DCDC2C: variants seen among roughly 807,000 people sequenced by gnomAD.
DCDC2C encodes the protein doublecortin domain-containing protein 2C.
DCDC2C carries 44 observed loss-of-function variants against 45.0 expected under a neutral mutation model. The ratio of observed to expected loss-of-function variants is 0.98; its 90% CI spans 0.77 to 1.26. The LOEUF is 1.26. Ranked by LOEUF, DCDC2C falls within the 50% of genes most tolerant of loss-of-function variation. The pLI is 0.00. For synonymous variants in DCDC2C, 187 were observed against 178.8 expected, an observed-to-expected ratio of 1.05 and a Z score of -0.37; for missense variants, 447 against 468.9, an observed-to-expected ratio of 0.95 and a Z score of 0.43.
At chr2:3,758,198 A>T (rs535262434) in intron 6 of DCDC2C, among the ~76,000 whole-genome samples, 42 of 152,330 alleles carry the variant, frequency 2.8e-4, no homozygotes, top group African/African-American at 9.6e-4. Context: ...GCTGTGTATC[A>T]TTGATTCTAT....
chr2:3,741,919 G>T lies in DCDC2C; in HGVS notation c.417-1G>T, dbSNP rs746155586. ...GGATGCTTTTCTTTTTATTCTTACA[G>T]TGTTTTTACAAATGGAAGATTATTT... On this transcript the variant is annotated splice_acceptor_variant, in intron 3 of 10. Transcript: ENST00000399143. LOFTEE classifies it high-confidence loss of function. 2 of 1,544,690 alleles carry T rather than the reference G, an allele frequency of 1.3e-6. No individual in the cohort carries two copies. Among genetic ancestry groups the T allele is most frequent in the South Asian group, 2.4e-5 (2 of 82,136 alleles).
intron 10 of DCDC2C, among the ~76,000 whole-genome samples, chr2:3,821,232 T>A (rs1383794039): frequency 1.3e-5 from 2 of 152,216 alleles, no homozygotes; most frequent in African/African-American, 4.8e-5. Context: ...AGGCAGGAAC[T>A]AGCCATTTTT....
intron 10 of DCDC2C, among the ~76,000 whole-genome samples, chr2:3,825,104 G>A (rs1237126557): frequency 6.6e-6 from 1 of 152,146 alleles, no homozygotes; most frequent in Non-Finnish European, 1.5e-5. Flanking sequence ...GCGGCAGTGG[G>A]CTCCTTTCCA....
At chr2:3,838,224 G>C (rs1221570401) in intron 10 of DCDC2C, among the ~76,000 whole-genome samples, 1 of 151,962 alleles carries the variant, frequency 6.6e-6, no homozygotes, top group East Asian at 1.9e-4. Context: ...AGGGCTGGTG[G>C]CATAGAGGTG....
At chr2:3,801,407 G>A (rs1671109247) in intron 10 of DCDC2C, among the ~76,000 whole-genome samples, 1 of 152,162 alleles carries the variant, frequency 6.6e-6, no homozygotes, top group Admixed American at 6.5e-5. Flanking sequence ...GGTGAGTGCT[G>A]GGCACAAAGG....
intron 6 of DCDC2C, among the ~76,000 whole-genome samples, chr2:3,763,409 C>T (rs1401088561): frequency 6.6e-6 from 1 of 152,224 alleles, no homozygotes; most frequent in Non-Finnish European, 1.5e-5. Flanking sequence ...CAGCCAGGCT[C>T]CTAGAATGGT....
In DCDC2C at chr2:3,708,549, T is replaced by C; in HGVS notation, c.288T>C (p.Asp96=). The C allele has an allele frequency of 6.5e-7, 1 of 1,544,320 alleles. No homozygotes were observed. The highest frequency in any genetic ancestry group is 8.7e-7 in the Non-Finnish European group (1 of 1,143,520). ...TGTTTTCTTCTTTCTTCTTTTGCAG[T>C]TATATTCATATAGTTCCCCGAAAAC... ...AAGRERFKEL[D]YIHIVPRKPA... is the part of the protein sequence containing the mutation. The change falls in exon 2 of 11, where the codon GAT becomes GAC. Residue 96 remains aspartate, a splice_region_variant and synonymous_variant. Transcript: ENST00000399143.
In DCDC2C at chr2:3,795,119, T is replaced by C. The variant is rs527569638; in HGVS notation, c.1065+10019T>C. ...TTTGCATTTCTCTGATGGCCAGTGA[T>C]GGTGAGCATTTTTTCATGTGTTTTT... On this transcript the variant is annotated intron_variant, in intron 10 of 10. Coordinates refer to ENST00000399143, the MANE Select transcript of DCDC2C (RefSeq NM_001287444.2). 8.6e-3 allele frequency among the ~76,000 whole-genome samples: 1,306 copies of C among 151,366 alleles called. 22 individuals are homozygous for C. Among genetic ancestry groups the C allele is most frequent in the African/African-American group, 0.029 (1,202 of 41,324 alleles).
chr2:3,748,813 AG>A (rs1669451203), intron 4 of DCDC2C, among the ~76,000 whole-genome samples: 1 of 152,112 alleles, frequency 6.6e-6, no homozygotes, highest in Non-Finnish European at 1.5e-5. Context: ...GTATATTTTA[AG>A]CTCCTTAAAG....
chr2:3,786,040 A>G (rs988012863), intron 10 of DCDC2C, among the ~76,000 whole-genome samples: 4 of 152,254 alleles, frequency 2.6e-5, no homozygotes, highest in African/African-American at 9.6e-5. Context: ...AAGTCTGCTT[A>G]GCGTTACTAC....
intron 10 of DCDC2C, among the ~76,000 whole-genome samples, chr2:3,801,162 T>C (rs1017066078): frequency 6.6e-6 from 1 of 152,230 alleles, no homozygotes; most frequent in Non-Finnish European, 1.5e-5. Flanking sequence ...TCAACAACAG[T>C]ATCGCATCCC....
chr2:3,814,192 C>T (rs1482725229), intron 10 of DCDC2C, among the ~76,000 whole-genome samples: 1 of 152,076 alleles, frequency 6.6e-6, no homozygotes, highest in Non-Finnish European at 1.5e-5. Flanking sequence ...TGATGATGTC[C>T]CATATTTCTT....
At chr2:3,758,947 C>T (rs1005184616) in intron 6 of DCDC2C, among the ~76,000 whole-genome samples, 4 of 152,154 alleles carry the variant, frequency 2.6e-5, no homozygotes, top group Admixed American at 6.5e-5. Context: ...ACAGAAGAGC[C>T]GATTCACTTT....
chr2:3,825,831 G>A (rs1436994106), intron 10 of DCDC2C, among the ~76,000 whole-genome samples: 2 of 152,210 alleles, frequency 1.3e-5, no homozygotes. Context: ...CGGCTCTCGT[G>A]TCTTGGCAAA....
At chr2:3,823,612 T>G (rs141086951) in intron 10 of DCDC2C, among the ~76,000 whole-genome samples, 1 of 152,358 alleles carries the variant, frequency 6.6e-6, no homozygotes, top group African/African-American at 2.4e-5. Context: ...TTGCTCCATG[T>G]ATTTTGGGAC....
chr2:3,818,537 C>A lies in DCDC2C; in HGVS notation c.1066-28617C>A, dbSNP rs1175440051. Reference sequence around the variant, plus strand: ...ATGTAAGGCTTGTCCAGTTTTTGGACAGGTACAATGGGGGAATTGTAAGAA... The same window carrying A: ...ATGTAAGGCTTGTCCAGTTTTTGGAAAGGTACAATGGGGGAATTGTAAGAA... On this transcript the variant is annotated intron_variant, in intron 10 of 10. Coordinates refer to ENST00000399143, the MANE Select transcript of DCDC2C (RefSeq NM_001287444.2). This position sits in a 1 kb window ranked among gnomAD's most constrained non-coding sequence, Gnocchi z 4.7. Among the ~76,000 whole-genome samples the A allele has an allele frequency of 2.0e-5, 3 of 152,074 alleles. No homozygotes were observed. Among genetic ancestry groups the A allele is most frequent in the Non-Finnish European group, 4.4e-5 (3 of 68,026 alleles).
chr2:3,721,782 C>T (rs1269649340), intron 2 of DCDC2C, among the ~76,000 whole-genome samples: 1 of 152,176 alleles, frequency 6.6e-6, no homozygotes, highest in Non-Finnish European at 1.5e-5. Flanking sequence ...TGAATGAGTT[C>T]ATGAGATCTG....
chr2:3,728,039 T>G (rs933817733), intron 3 of DCDC2C, among the ~76,000 whole-genome samples: 1 of 152,210 alleles, frequency 6.6e-6, no homozygotes, highest in Non-Finnish European at 1.5e-5. Context: ...GAAGGAATTT[T>G]AGCGAGTTTC....
In DCDC2C at chr2:3,734,427, T is replaced by C. The variant is rs1455597421; in HGVS notation, c.416+7348T>C. 6.6e-6 allele frequency among the ~76,000 whole-genome samples: 1 copy of C among 152,158 alleles called. No homozygotes were observed. The highest frequency in any genetic ancestry group is 1.5e-5 in the Non-Finnish European group (1 of 68,018). On this transcript the variant is annotated intron_variant, in intron 3 of 10. Coordinates refer to ENST00000399143, the MANE Select transcript of DCDC2C (RefSeq NM_001287444.2). This position sits in a 1 kb window ranked among gnomAD's most constrained non-coding sequence, Gnocchi z 4.2. ...GGATGAGACAATCATCTGATGTTGG[T>C]GACACGGGTGTCACTAACATCCACT... is the stretch of plus-strand genomic sequence containing the variant.
Sources: gnomAD v4.1 joint callset for allele counts (sites outside exome capture counted in the v4.1 genomes callset) on GRCh38, gnomAD v4.1.1 for gene constraint, Gnocchi (gnomAD v3.1) non-coding constraint, MANE v1.5 for transcripts, NCBI Gene and HGNC (gene_info 2026-07-23, HGNC 2026-07-21) for gene names.